The following ST7L variants were observed in gnomAD, a reference collection of about 807,000 sequenced individuals.
The protein encoded by ST7L is suppressor of tumorigenicity 7 protein-like.
Under a neutral mutation model 72.5 loss-of-function variants are expected in ST7L, and 57 were observed. The observed-to-expected ratio is 0.79, with a 90% CI of 0.64 to 0.98. ST7L has a LOEUF of 0.98. Ranked by LOEUF, ST7L falls within the 50% of genes least tolerant of loss-of-function variation. The pLI is 0.00. For synonymous variants in ST7L, 221 were observed against 240.9 expected, an observed-to-expected ratio of 0.92 and a Z score of 0.77; for missense variants, 576 against 672.2, an observed-to-expected ratio of 0.86 and a Z score of 1.58.
intron 13 of ST7L, among the ~76,000 whole-genome samples, chr1:112,544,179 C>T (rs1169871672): frequency 1.3e-5 from 2 of 152,120 alleles, no homozygotes; most frequent in African/African-American, 4.8e-5. Flanking sequence ...CCGCTTAGGG[C>T]TGGATACTAA....
chr1:112,616,890 C>T lies in ST7L; in HGVS notation c.211G>A (p.Val71Ile). Residue 71 changes from valine to isoleucine, a missense_variant, in exon 2 of 15, where the codon GTA becomes ATA. This residue lies in a region of ST7L where 511 missense variants were observed against 600.7 expected (regional missense o/e 0.85). Transcript: ENST00000358039. ...TTGGGTGTCAATGAATTTAAAAATA[C>T]AGTCACTGTCAAAAGAACAAGAATC... ...RLCENLAAVT[V>I]FLNSLTPKFY... 1 of 1,598,270 alleles carries T rather than the reference C, an allele frequency of 6.3e-7. No individual in the cohort carries two copies. Among genetic ancestry groups the T allele is most frequent in the Non-Finnish European group, 8.5e-7 (1 of 1,174,362 alleles).
At chr1:112,563,875 A>G (rs1213546532) in intron 11 of ST7L, among the ~76,000 whole-genome samples, 2 of 152,190 alleles carry the variant, frequency 1.3e-5, no homozygotes, top group Non-Finnish European at 2.9e-5. Context: ...TTTGACCAAA[A>G]GCAATATAAT....
intron 13 of ST7L, 112 bp downstream of exon 13, chr1:112,550,489 T>C: frequency 2.7e-6 from 2 of 732,938 alleles, no homozygotes; most frequent in Non-Finnish European, 4.5e-6. Context: ...TAAAATAGTA[T>C]TTAAACAGTG....
intron 2 of ST7L, among the ~76,000 whole-genome samples, chr1:112,612,290 GT>G (rs1185045629): frequency 5.3e-5 from 8 of 152,138 alleles, no homozygotes; most frequent in African/African-American, 1.7e-4. Context: ...TAGGGACAAG[GT>G]TTTGCCATGT....
intron 11 of ST7L, among the ~76,000 whole-genome samples, chr1:112,573,900 T>C (rs1197612736): frequency 1.3e-5 from 2 of 148,764 alleles, no homozygotes; most frequent in African/African-American, 2.5e-5. Flanking sequence ...TCTTCGTTTT[T>C]TCTTTTCCTG....
chr1:112,568,551 G>C (rs1661451215), intron 11 of ST7L, among the ~76,000 whole-genome samples: 1 of 151,030 alleles, frequency 6.6e-6, no homozygotes, highest in African/African-American at 2.4e-5. Flanking sequence ...TAGCCAGGAT[G>C]GTCTCGATCT....
intron 11 of ST7L, among the ~76,000 whole-genome samples, chr1:112,561,676 C>T (rs1312332175): frequency 6.6e-6 from 1 of 151,862 alleles, no homozygotes; most frequent in African/African-American, 2.4e-5. Flanking sequence ...GATGGGGTTT[C>T]ACCATGTTGG....
intron 14 of ST7L, chr1:112,527,590 G>C (rs769594846): frequency 2.0e-5 from 3 of 152,660 alleles, no homozygotes; most frequent in Non-Finnish European, 4.4e-5. Flanking sequence ...GGAGAGTGTT[G>C]AATGAGCTGC....
rs1653093061 is a variant in ST7L at position 112,524,357 on chromosome 1, A to G, written c.*1656T>C. ...GCGAAGGGAGGACGCCAGGGAGAGT[A>G]TGTTTCTCATCCCTGGGAGGCATTC... On this transcript the variant is annotated 3_prime_UTR_variant, in exon 15 of 15. Transcript: ENST00000358039. 1 of 152,554 alleles carries G rather than the reference A, an allele frequency of 6.6e-6. No individual in the cohort carries two copies. Among genetic ancestry groups the G allele is most frequent in the Non-Finnish European group, 1.5e-5 (1 of 68,038 alleles). 9.5% of individuals were successfully genotyped at this position (152,554 alleles called of 1,614,324 possible). A position where few individuals can be genotyped will look rare whatever the true frequency, so the allele number is the denominator to read the frequency against.
At chr1:112,542,696 A>C (rs1385745172) in intron 13 of ST7L, among the ~76,000 whole-genome samples, 1 of 152,096 alleles carries the variant, frequency 6.6e-6, no homozygotes, top group Non-Finnish European at 1.5e-5. Flanking sequence ...TTGAGGCTGC[A>C]GTGAGCTATG....
At chr1:112,556,985 C>CAAAAAAAAAAAAAAAAAAAAA (rs1196828305) in intron 11 of ST7L, among the ~76,000 whole-genome samples, 19 of 82,096 alleles carry the variant, frequency 2.3e-4, no homozygotes, top group Admixed American at 4.5e-4. Context: ...AAAAAAAAAA[C>CAAAAAAAAAAAAAAAAAAAAA]AAAAAAAAAA....
chr1:112,532,098 A>G (rs1654488107), intron 14 of ST7L, among the ~76,000 whole-genome samples: 1 of 152,244 alleles, frequency 6.6e-6, no homozygotes, highest in African/African-American at 2.4e-5. Flanking sequence ...TGGGCTCGCA[A>G]TAAGGGCTAA....
intron 14 of ST7L, chr1:112,540,504 A>T (rs1329405955): frequency 3.2e-5 from 32 of 985,284 alleles, no homozygotes; most frequent in Admixed American, 1.2e-4. Context: ...AAATAGCTAT[A>T]CTCCCTGAAC....
chr1:112,614,948 T>A (rs577994812), intron 2 of ST7L, among the ~76,000 whole-genome samples: 1 of 152,342 alleles, frequency 6.6e-6, no homozygotes, highest in South Asian at 2.1e-4. Flanking sequence ...TTTATTTTTT[T>A]TAAATTAAAA....
At chr1:112,598,182 C>T in intron 4 of ST7L, 96 bp from the exon 5 acceptor site, 1 of 714,026 alleles carries the variant, frequency 1.4e-6, no homozygotes, top group Non-Finnish European at 2.3e-6. Flanking sequence ...TACTGCTACA[C>T]ATTTGGATGT....
In ST7L at chr1:112,582,358, AT is replaced by A. The variant is rs1664254868; in HGVS notation, c.954+16del. ...CTGGAGGAATAAATGTAATAGTCCC[AT>A]CATCAATTTACTTACATCTCTCATT... On this transcript the variant is annotated intron_variant, in intron 8 of 14. Coordinates refer to ENST00000358039, the MANE Select transcript of ST7L (RefSeq NM_017744.5). The A allele has an allele frequency of 6.5e-7, 1 of 1,535,092 alleles. No individual in the cohort carries two copies. Among genetic ancestry groups the A allele is most frequent in the African/African-American group, 1.4e-5 (1 of 73,294 alleles).
chr1:112,532,943 AAG>A (rs1654607994), intron 14 of ST7L, among the ~76,000 whole-genome samples: 1 of 152,190 alleles, frequency 6.6e-6, no homozygotes, highest in African/African-American at 2.4e-5. Context: ...TTAGGGAAAA[AAG>A]TTATAGGTTA....
At chr1:112,590,180 A>T (rs552075467) in intron 6 of ST7L, among the ~76,000 whole-genome samples, 3 of 152,102 alleles carry the variant, frequency 2.0e-5, no homozygotes, top group Middle Eastern at 3.4e-3. Context: ...CAGAAAGCCA[A>T]CAGACAGGTC....
chr1:112,557,771 A>G (rs1166695277), intron 11 of ST7L, among the ~76,000 whole-genome samples: 2 of 152,172 alleles, frequency 1.3e-5, no homozygotes, highest in Admixed American at 6.6e-5. Context: ...GGACATAAAC[A>G]AAGCACAGGG....
Sources: allele counts gnomAD v4.1 joint callset (sites outside exome capture counted in the v4.1 genomes callset), GRCh38; gene constraint gnomAD v4.1.1; regional missense constraint gnomAD v4.1.1; transcripts MANE v1.5; gene names NCBI Gene and HGNC (gene_info 2026-07-23, HGNC 2026-07-21).